NOTCH3: variants seen among roughly 807,000 people sequenced by gnomAD.
NOTCH3 encodes neurogenic locus notch homolog protein 3.
In NOTCH3, 86 loss-of-function variants were observed where a neutral mutation model predicts 213.3. The observed-to-expected ratio is 0.40, with a 90% CI of 0.34 to 0.48. NOTCH3 has a LOEUF of 0.48. Among genes scored for constraint, NOTCH3 ranks in the 20% least tolerant of loss-of-function variants. The pLI, the probability that NOTCH3 is intolerant of heterozygous loss-of-function variation, is 0.57. For synonymous variants in NOTCH3, 1,354 were observed against 1,355.9 expected (o/e 1.00, Z 0.03); for missense variants, 2,783 against 3,272.6 (o/e 0.85, Z 3.65).
chr19:15,199,604 C>T (rs906626106), intron 1 of NOTCH3, among the ~76,000 whole-genome samples: 1 of 152,202 alleles, frequency 6.6e-6, no homozygotes, highest in Non-Finnish European at 1.5e-5. Flanking sequence ...TTTCCTGAGC[C>T]AGGTGTGCAA....
intron 32 of NOTCH3, 53 bp downstream of exon 32, chr19:15,162,412 G>T (rs2046652190): frequency 1.6e-6 from 2 of 1,236,192 alleles, no homozygotes; most frequent in African/African-American, 1.5e-5. Flanking sequence ...AGGCTGGATT[G>T]CAATGGCACT....
At chr19:15,193,629 G>A (rs1340092128) in intron 2 of NOTCH3, among the ~76,000 whole-genome samples, 1 of 151,558 alleles carries the variant, frequency 6.6e-6, no homozygotes, top group Non-Finnish European at 1.5e-5. Flanking sequence ...ATTATAACCG[G>A]GCATGGTGGC....
rs764620593 is a variant in NOTCH3, at chr19:15,161,517, G to T, written c.6111C>A (p.His2037Gln). ...GAGGACAGAGCAGAGGCCCCAGGCC[G>T]TGGGGACCGGGGGGGCTGCGGGGCC... ...PSGPRSPPGPHGLGPLLCPPG... is the reference protein window; with the variant it reads ...PSGPRSPPGPQGLGPLLCPPG... Residue 2037 changes from histidine (H) to glutamine (Q), a missense_variant, in exon 33 of 33, where the codon CAC becomes CAA. Physicochemically the swap from His to Gln is conservative, Grantham distance 24. Around this residue, in one of 6 missense-constraint regions of NOTCH3, gnomAD observed 441 missense variants for 432.1 expected, o/e 1.02. Coordinates refer to ENST00000263388, the MANE Select transcript of NOTCH3 (RefSeq NM_000435.3). The T allele has an allele frequency of 1.3e-6, 2 of 1,596,996 alleles. No homozygotes were observed. Among genetic ancestry groups the T allele is most frequent in the Non-Finnish European group, 1.7e-6 (2 of 1,171,952 alleles).
intron 1 of NOTCH3, 115 bp downstream of exon 1, chr19:15,200,673 C>G: frequency 1.2e-6 from 1 of 801,668 alleles, no homozygotes; most frequent in Admixed American, 5.0e-5. Flanking sequence ...GCTCCTGCGC[C>G]CCTTCCCCGA....
At chr19:15,197,441 G>GGGGGGGGCCCCCCCCCC in intron 2 of NOTCH3, 59 bp downstream of exon 2, 2 of 768,360 alleles carry the variant, frequency 2.6e-6, no homozygotes, top group Non-Finnish European at 4.6e-6. Context: ...AAGACAAATC[G>GGGGGGGGCCCCCCCCCC]CCCCTCCCCC....
intron 19 of NOTCH3, 90 bp downstream of exon 19, chr19:15,180,591 T>G: frequency 7.0e-7 from 1 of 1,438,582 alleles, no homozygotes; most frequent in Non-Finnish European, 9.5e-7. Flanking sequence ...ATAGGCTCTG[T>G]GGCACCCCCA....
chr19:15,194,722 G>A (rs749347211), intron 2 of NOTCH3, among the ~76,000 whole-genome samples: 3 of 152,030 alleles, frequency 2.0e-5, no homozygotes, highest in Admixed American at 6.6e-5. Context: ...TTGGGAGACC[G>A]AGGCAGGTAG....
At position 15,191,436 on chromosome 19, in the gene NOTCH3, T is replaced by G; in HGVS notation, c.1024A>C (p.Met342Leu). The change falls in exon 6 of 33, where the codon ATG becomes CTG. Residue 342 changes from methionine to leucine, a missense_variant. Met to Leu is a conservative substitution (Grantham distance 15). This residue lies in a region of NOTCH3 where 708 missense variants were observed against 906.6 expected (regional missense o/e 0.78). Coordinates refer to ENST00000263388, the MANE Select transcript of NOTCH3 (RefSeq NM_000435.3). ...AACGGCCACTCACCAGTCTTGCCCA[T>G]GGGGCAGGCACAGTAGAAAGAAGCC... ...RVASFYCACP[M>L]GKTGLLCHLD... 1 of 1,613,310 alleles carries G rather than the reference T, an allele frequency of 6.2e-7. No homozygotes were observed.
At chr19:15,188,584 C>A (rs1033159233) in intron 8 of NOTCH3, among the ~76,000 whole-genome samples, 3 of 152,078 alleles carry the variant, frequency 2.0e-5, no homozygotes, top group Non-Finnish European at 4.4e-5. Context: ...CAAACCCCTC[C>A]TCCTCTCCCC....
chr19:15,179,647 C>T (rs1422141322), intron 20 of NOTCH3, 151 bp from the exon 21 acceptor site: 27 of 811,764 alleles, frequency 3.3e-5, no homozygotes, highest in East Asian at 5.4e-5. Context: ...TTTGGGAGGC[C>T]GAGGTGGGCA....
chr19:15,174,465 T>C (rs1255983985), intron 24 of NOTCH3, 65 bp from the exon 25 acceptor site: 6 of 1,165,254 alleles, frequency 5.1e-6, no homozygotes, highest in South Asian at 1.5e-5. Flanking sequence ...TCCCCTTCCA[T>C]GCATTCACAC....
intron 2 of NOTCH3, among the ~76,000 whole-genome samples, chr19:15,196,244 G>T (rs2046969698): frequency 2.0e-5 from 3 of 152,106 alleles, no homozygotes; most frequent in African/African-American, 7.2e-5. Context: ...TCATTCACCT[G>T]TCGGCAGTAT....
In NOTCH3 at chr19:15,169,186, GTCTCTCTCTCTCTCTC is replaced by G. The variant is rs56916343; in HGVS notation, c.5199+884_5199+899del. Among the ~76,000 whole-genome samples, 1,090 of 146,742 alleles carry G rather than the reference GTCTCTCTCTCTCTCTC, an allele frequency of 7.4e-3. 12 individuals are homozygous for G. Among genetic ancestry groups the G allele is most frequent in the African/African-American group, 0.025 (985 of 39,178 alleles). Reference sequence around the variant, plus strand: ...AAGAAGAGGATGGGATGTCAAATCTGTCTCTCTCTCTCTCTCTCTCTCTCTCTCTCTCTCTCTCTCT... The same window carrying G: ...AAGAAGAGGATGGGATGTCAAATCTGTCTCTCTCTCTCTCTCTCTCTCTCT... On this transcript the variant is annotated intron_variant, in intron 28 of 32. Coordinates refer to ENST00000263388, the MANE Select transcript of NOTCH3 (RefSeq NM_000435.3).
Position 15,185,073 on chromosome 19 carries a change from C to T in NOTCH3, c.2297-54G>A, listed in dbSNP as rs1335318118. The T allele has an allele frequency of 1.3e-5, 16 of 1,241,230 alleles. No homozygotes were observed. Among genetic ancestry groups the T allele is most frequent in the Non-Finnish European group, 1.7e-5 (15 of 887,994 alleles). 76.9% of individuals were successfully genotyped at this position (1,241,230 alleles called of 1,614,324 possible). A position where few individuals can be genotyped will look rare whatever the true frequency, so the allele number is the denominator to read the frequency against. On this transcript the variant is annotated intron_variant, in intron 14 of 32. Coordinates refer to ENST00000263388, the MANE Select transcript of NOTCH3 (RefSeq NM_000435.3). This position sits in a 1 kb window ranked among gnomAD's most constrained non-coding sequence, Gnocchi z 4.2. ...AGATAGCCTTGAGGGACTCCCTGAT[C>T]CCATCTCCCCCCACCTCCCCCAACC...
intron 28 of NOTCH3, among the ~76,000 whole-genome samples, chr19:15,169,612 C>A (rs1015188697): frequency 2.0e-5 from 3 of 152,154 alleles, no homozygotes; most frequent in African/African-American, 4.8e-5. Flanking sequence ...CTCAGGTGAT[C>A]CACCTCTGTG....
In NOTCH3 at chr19:15,159,959, T is replaced by C. The variant is rs1313868441; in HGVS notation, c.*703A>G. ...GGGCTGGGGCAGAGGGAGTTGGCAG[T>C]GGGCCCTTCCCCAGCAAGGCTATGG... is the stretch of plus-strand genomic sequence containing the variant. On this transcript the variant is annotated 3_prime_UTR_variant, in exon 33 of 33. Coordinates refer to ENST00000263388, the MANE Select transcript of NOTCH3 (RefSeq NM_000435.3). 1.3e-5 allele frequency: 3 copies of C among 232,986 alleles called. No homozygotes were observed. The highest frequency in any genetic ancestry group is 2.5e-5 in the Non-Finnish European group (3 of 117,710). The allele number at this position is 232,986 out of a possible 1,614,324, so 14.4% of individuals were successfully genotyped here.
At chr19:15,197,441 G>GGGGGGGC in intron 2 of NOTCH3, 59 bp downstream of exon 2, 4 of 768,358 alleles carry the variant, frequency 5.2e-6, no homozygotes, top group South Asian at 1.4e-5. Context: ...AAGACAAATC[G>GGGGGGGC]CCCCTCCCCC....
intron 15 of NOTCH3, among the ~76,000 whole-genome samples, 162 bp downstream of exon 15, chr19:15,184,744 C>T (rs1039299545): frequency 5.9e-5 from 9 of 152,354 alleles, no homozygotes; most frequent in African/African-American, 2.2e-4. Flanking sequence ...GGCTGACCCA[C>T]ACAGGCTGCA....
At position 15,167,226 on chromosome 19, in the gene NOTCH3, T is replaced by G. The variant is rs758427678; in HGVS notation, c.5362+23A>C. On this transcript the variant is annotated intron_variant, in intron 29 of 32. Transcript: ENST00000263388. The stretch of plus-strand genomic sequence containing the variant: ...GGTAGGATGGGTGAGGGGCATCCCT[T>G]TGGGAGGGGCACTGTCACTAACCTG... 3 of 1,606,006 alleles carry G rather than the reference T, an allele frequency of 1.9e-6. No individual in the cohort carries two copies. The South Asian group carries it at 3.3e-5, about 18-fold the overall frequency.
Sources: gnomAD v4.1 joint callset for allele counts (sites outside exome capture counted in the v4.1 genomes callset) on GRCh38, gnomAD v4.1.1 for gene constraint, gnomAD v4.1.1 regional missense constraint, Gnocchi (gnomAD v3.1) non-coding constraint, MANE v1.5 for transcripts, NCBI Gene and HGNC (gene_info 2026-07-23, HGNC 2026-07-21) for gene names.